The following ABCA13 variants were observed in gnomAD, a reference collection of about 807,000 sequenced individuals.
The protein encoded by ABCA13 is ATP-binding cassette sub-family A member 13.
In ABCA13, 476 loss-of-function variants were observed where a neutral mutation model predicts 478.7. The observed-to-expected ratio is 0.99, with a 90% CI of 0.92 to 1.07. The LOEUF is 1.07. Among genes scored for constraint, ABCA13 ranks in the 50% least tolerant of loss-of-function variants. ABCA13 has a pLI of 0.00. For synonymous variants in ABCA13, 2,252 were observed against 2,158.9 expected (o/e 1.04, Z -1.20); for missense variants, 6,060 against 5,910.6 (o/e 1.03, Z -0.83).
chr7:48,459,154 C>G (rs1201912510), intron 43 of ABCA13, among the ~76,000 whole-genome samples: 1 of 152,092 alleles, frequency 6.6e-6, no homozygotes, highest in African/African-American at 2.4e-5. Flanking sequence ...CAGAGCAGCC[C>G]CAGAGAAATT....
intron 1 of ABCA13, among the ~76,000 whole-genome samples, chr7:48,186,013 T>C (rs969792012): frequency 4.6e-5 from 7 of 152,024 alleles, no homozygotes; most frequent in African/African-American, 1.4e-4. Context: ...CTTCTTTGTT[T>C]GATATTAACA....
chr7:48,474,407 A>G (rs1358192830), intron 45 of ABCA13, among the ~76,000 whole-genome samples: 1 of 152,202 alleles, frequency 6.6e-6, no homozygotes, highest in Non-Finnish European at 1.5e-5. Flanking sequence ...TTAGATGATT[A>G]GAAATTAGAT....
chr7:48,185,943 C>T (rs1008608362), intron 1 of ABCA13, among the ~76,000 whole-genome samples: 2 of 151,898 alleles, frequency 1.3e-5, no homozygotes, highest in Non-Finnish European at 2.9e-5. Flanking sequence ...TTAATCCTCT[C>T]AATCATTGAT....
chr7:48,506,596 T>C (rs534793186), intron 49 of ABCA13, among the ~76,000 whole-genome samples: 1 of 152,326 alleles, frequency 6.6e-6, no homozygotes, highest in African/African-American at 2.4e-5. Context: ...TGACTGAGCT[T>C]AAAACAGATG....
chr7:48,368,183 CT>C (rs1811987296), intron 32 of ABCA13, among the ~76,000 whole-genome samples: 1 of 152,108 alleles, frequency 6.6e-6, no homozygotes, highest in Non-Finnish European at 1.5e-5. Context: ...CATTCAGCAA[CT>C]TTTTTAAAAC....
chr7:48,621,481 C>T (rs1793128753), intron 59 of ABCA13, among the ~76,000 whole-genome samples: 1 of 152,066 alleles, frequency 6.6e-6, no homozygotes, highest in Non-Finnish European at 1.5e-5. Flanking sequence ...TGTCTGAAAA[C>T]CCAGGGGTAC....
chr7:48,506,373 G>A lies in ABCA13; in HGVS notation c.13329G>A (p.Leu4443=). The A allele has an allele frequency of 1.2e-6, 2 of 1,613,856 alleles. No homozygotes were observed. The highest frequency in any genetic ancestry group is 2.7e-5 in the African/African-American group (2 of 75,058). Reference sequence around the variant, plus strand: ...ACAGCCACCCATATGGAGGGGCCTTGCTGAACGAGGACAAGATGTGAGTTG... The same window carrying A: ...ACAGCCACCCATATGGAGGGGCCTTACTGAACGAGGACAAGATGTGAGTTG... ...TLYSHPYGGA[L]LNEDKILESI... Residue 4443 remains leucine (L), a synonymous_variant, in exon 49 of 62, where the codon TTG becomes TTA. Coordinates refer to ENST00000435803, the MANE Select transcript of ABCA13 (RefSeq NM_152701.5).
chr7:48,368,474 C>A (rs986764658), intron 32 of ABCA13, among the ~76,000 whole-genome samples: 4 of 151,932 alleles, frequency 2.6e-5, no homozygotes, highest in African/African-American at 9.7e-5. Flanking sequence ...ACCCTTTACT[C>A]TGAGTCCCCA....
chr7:48,223,688 GGCTCATGC>G (rs1287384642), intron 5 of ABCA13, among the ~76,000 whole-genome samples: 1 of 152,104 alleles, frequency 6.6e-6, no homozygotes, highest in Non-Finnish European at 1.5e-5. Flanking sequence ...CGGGCTCAGT[GGCTCATGC>G]CTGTAACCCT....
chr7:48,478,293 T>TTATA lies in ABCA13; in HGVS notation c.12976-2728_12976-2725dup, dbSNP rs3078321. Among the ~76,000 whole-genome samples the TTATA allele has an allele frequency of 7.8e-4, 104 of 132,812 alleles. 1 individual carries two copies. Among genetic ancestry groups the TTATA allele is most frequent in the East Asian group, 2.3e-3 (10 of 4,390 alleles). 87.1% of individuals were successfully genotyped at this position (132,812 alleles called of 152,430 possible). ...TTTTATATATATCATATATATCATT[T>TTATA]TATATATATATATATATAATCACAC... On this transcript the variant is annotated intron_variant, in intron 45 of 61. Transcript: ENST00000435803.
At chr7:48,637,152 C>G (rs1368506286) in intron 59 of ABCA13, among the ~76,000 whole-genome samples, 1 of 151,906 alleles carries the variant, frequency 6.6e-6, no homozygotes, top group Non-Finnish European at 1.5e-5. Context: ...GTGCCTGCAG[C>G]AGAGCACCCC....
chr7:48,197,443 G>A (rs1347713012), intron 2 of ABCA13, among the ~76,000 whole-genome samples: 1 of 152,170 alleles, frequency 6.6e-6, no homozygotes, highest in Non-Finnish European at 1.5e-5. Context: ...AAGTAGATAA[G>A]GGCTGACAAG....
intron 28 of ABCA13, among the ~76,000 whole-genome samples, chr7:48,338,041 G>A (rs1806539608): frequency 6.6e-6 from 1 of 152,146 alleles, no homozygotes; most frequent in African/African-American, 2.4e-5. Flanking sequence ...CAAAGGAAAG[G>A]AATCTTATAG....
At chr7:48,576,496 G>C (rs562412518) in intron 55 of ABCA13, among the ~76,000 whole-genome samples, 2 of 152,250 alleles carry the variant, frequency 1.3e-5, no homozygotes, top group East Asian at 3.9e-4. Flanking sequence ...GTAAGCATTA[G>C]AAAGACCAGC....
intron 49 of ABCA13, 21 bp from the exon 50 acceptor site, chr7:48,507,851 G>C: frequency 6.3e-7 from 1 of 1,581,396 alleles, no homozygotes; most frequent in Non-Finnish European, 8.6e-7. Flanking sequence ...GTGCCTGAGA[G>C]CTGCTCTGTT....
intron 55 of ABCA13, among the ~76,000 whole-genome samples, chr7:48,567,205 GGTTGCTTTGAAGGCAGAAA>G: frequency 6.6e-6 from 1 of 152,190 alleles, no homozygotes; most frequent in South Asian, 2.1e-4. Context: ...CTGGATGACG[GGTTGCTTTGAAGGCAGAAA>G]GACCTTTTCC....
At chr7:48,366,398 G>T (rs1229722131) in intron 31 of ABCA13, among the ~76,000 whole-genome samples, 1 of 151,952 alleles carries the variant, frequency 6.6e-6, no homozygotes, top group African/African-American at 2.4e-5. Context: ...GGTTAAGCTA[G>T]TTCTTTTTTA....
chr7:48,453,003 A>G (rs1263651352), intron 42 of ABCA13, among the ~76,000 whole-genome samples: 1 of 152,208 alleles, frequency 6.6e-6, no homozygotes, highest in African/African-American at 2.4e-5. Flanking sequence ...GTATGTGTGT[A>G]TATATATAGA....
At chr7:48,239,005 C>A (rs970002108) in intron 8 of ABCA13, among the ~76,000 whole-genome samples, 1 of 152,156 alleles carries the variant, frequency 6.6e-6, no homozygotes, top group African/African-American at 2.4e-5. Flanking sequence ...TCTCCATGTC[C>A]TTGGCCTGGA....
Sources: gnomAD v4.1 joint callset for allele counts (sites outside exome capture counted in the v4.1 genomes callset) on GRCh38, gnomAD v4.1.1 for gene constraint, MANE v1.5 for transcripts, NCBI Gene and HGNC (gene_info 2026-07-23, HGNC 2026-07-21) for gene names.